The following CCDC171 variants were observed in gnomAD, a reference collection of about 807,000 sequenced individuals.
CCDC171 encodes the protein coiled-coil domain containing 171.
In CCDC171, 177 loss-of-function variants were observed where a neutral mutation model predicts 168.2. The observed-to-expected ratio is 1.05, with a 90% CI of 0.93 to 1.19. The LOEUF (loss-of-function observed/expected upper bound fraction) is 1.19. Among genes scored for constraint, CCDC171 ranks in the 50% most tolerant of loss-of-function variants. The pLI is 0.00. For synonymous variants in CCDC171, 687 were observed against 540.8 expected (o/e 1.27, Z -3.75); for missense variants, 1,991 against 1,539.0 (o/e 1.29, Z -4.91).
intron 7 of CCDC171, 66 bp downstream of exon 7, chr9:15,623,479 A>ACACACACACACACC: frequency 2.5e-6 from 1 of 399,542 alleles, no homozygotes; most frequent in Non-Finnish European, 4.1e-6. Context: ...GCGCGCGCAC[A>ACACACACACACACC]CACACACACA....
chr9:15,841,401 T>A (rs141301933), intron 21 of CCDC171, among the ~76,000 whole-genome samples: 2 of 152,182 alleles, frequency 1.3e-5, no homozygotes, highest in East Asian at 3.9e-4. Flanking sequence ...TTTACATTTA[T>A]GTAGTCTTTT....
intron 21 of CCDC171, among the ~76,000 whole-genome samples, chr9:15,810,504 G>A (rs1027024925): frequency 6.7e-6 from 1 of 149,548 alleles, no homozygotes; most frequent in Non-Finnish European, 1.5e-5. Flanking sequence ...GGGTGGGGGG[G>A]TGGGGCTCGG....
chr9:16,099,384 C>T, the CCDC171 span, among the ~76,000 whole-genome samples: 1 of 152,204 alleles, frequency 6.6e-6, no homozygotes, highest in Non-Finnish European at 1.5e-5. Flanking sequence ...ATCGCAGTGG[C>T]TCTCAGAAGG....
chr9:15,731,390 G>T (rs1430440774), intron 16 of CCDC171, among the ~76,000 whole-genome samples: 1 of 152,056 alleles, frequency 6.6e-6, no homozygotes, highest in Non-Finnish European at 1.5e-5. Context: ...GGCAACCATT[G>T]TTCTGATGCC....
chr9:15,848,926 A>T lies in CCDC171; in HGVS notation c.3447A>T (p.Ala1149=), dbSNP rs768143475. The change falls in exon 23 of 26, where the codon GCA becomes GCT. Residue 1149 remains alanine, a synonymous_variant. Transcript: ENST00000380701. ...DKECVANHMR[A]VENTLHKVRD... ...AATGTGTTGCTAATCACATGAGAGC[A>T]GTAGAAAATACGCTTCACAAGGTAC... The T allele has an allele frequency of 6.4e-7, 1 of 1,564,690 alleles. No homozygotes were observed. The highest frequency in any genetic ancestry group is 2.3e-5 in the East Asian group (1 of 43,118).
At chr9:15,717,474 G>C (rs1465578640) in intron 11 of CCDC171, among the ~76,000 whole-genome samples, 1 of 152,144 alleles carries the variant, frequency 6.6e-6, no homozygotes, top group Non-Finnish European at 1.5e-5. Context: ...GGACTTAGAG[G>C]GTATGTGACC....
chr9:15,662,711 C>G (rs2048407958), intron 8 of CCDC171, among the ~76,000 whole-genome samples: 1 of 152,048 alleles, frequency 6.6e-6, no homozygotes, highest in African/African-American at 2.4e-5. Flanking sequence ...CACGGTGGCT[C>G]ACACCTGAAA....
chr9:15,957,699 G>A (rs984293259), intron 25 of CCDC171, among the ~76,000 whole-genome samples: 1 of 152,152 alleles, frequency 6.6e-6, no homozygotes, highest in African/African-American at 2.4e-5. Context: ...AAGAGAGTAT[G>A]AAAATTGACA....
chr9:16,074,851 C>T, the CCDC171 span, among the ~76,000 whole-genome samples: 59 of 152,286 alleles, frequency 3.9e-4, 2 homozygotes, highest in Middle Eastern at 6.8e-3. Context: ...GGACCAGATC[C>T]CACTGGGCCT....
intron 3 of CCDC171, among the ~76,000 whole-genome samples, chr9:15,984,957 C>A (rs994611577): frequency 3.3e-5 from 5 of 152,022 alleles, no homozygotes; most frequent in African/African-American, 1.2e-4. Context: ...TGATGTATTT[C>A]TATATTTATA....
intron 21 of CCDC171, among the ~76,000 whole-genome samples, chr9:15,786,268 A>G (rs561487511): frequency 2.0e-5 from 3 of 152,294 alleles, no homozygotes; most frequent in Admixed American, 2.0e-4. Context: ...ACTTAGTAAT[A>G]GATTGTGAGC....
At chr9:15,641,514 G>A (rs545914487) in intron 7 of CCDC171, among the ~76,000 whole-genome samples, 2 of 152,296 alleles carry the variant, frequency 1.3e-5, no homozygotes, top group Admixed American at 1.3e-4. Context: ...GGAAACCATA[G>A]AACCAAATGT....
At chr9:15,794,464 C>T (rs1437649284) in intron 21 of CCDC171, among the ~76,000 whole-genome samples, 2 of 150,468 alleles carry the variant, frequency 1.3e-5, no homozygotes, top group South Asian at 2.1e-4. Context: ...ACTCTGTCCC[C>T]GCCCCCACCC....
At chr9:15,999,932 T>G (rs2132944753) in intron 3 of CCDC171, among the ~76,000 whole-genome samples, 1 of 152,328 alleles carries the variant, frequency 6.6e-6, no homozygotes, top group East Asian at 1.9e-4. Flanking sequence ...GCGCTCTTCC[T>G]TCTGACTCTT....
chr9:15,754,989 A>G (rs1318917854), intron 18 of CCDC171, among the ~76,000 whole-genome samples: 1 of 152,196 alleles, frequency 6.6e-6, no homozygotes, highest in African/African-American at 2.4e-5. Flanking sequence ...TTTTAAAAAG[A>G]TGGTTCTGTT....
At chr9:15,608,568 A>C (rs2043393747) in intron 6 of CCDC171, among the ~76,000 whole-genome samples, 1 of 151,974 alleles carries the variant, frequency 6.6e-6, no homozygotes, top group Non-Finnish European at 1.5e-5. Context: ...TGTTACGTTT[A>C]TTGGCCATTC....
intron 25 of CCDC171, among the ~76,000 whole-genome samples, chr9:15,957,252 A>G (rs1829892401): frequency 6.6e-6 from 1 of 152,126 alleles, no homozygotes; most frequent in African/African-American, 2.4e-5. Context: ...GTGTCAAGTG[A>G]AAGTGAGTTA....
At chr9:16,027,013 T>A (rs1257920318) in intron 6 of CCDC171, among the ~76,000 whole-genome samples, 2 of 152,184 alleles carry the variant, frequency 1.3e-5, no homozygotes, top group Non-Finnish European at 2.9e-5. Context: ...GCCTCGGGCT[T>A]ATGAGCTATC....
chr9:15,738,431 T>G (rs2134488453), intron 16 of CCDC171, among the ~76,000 whole-genome samples: 1 of 152,344 alleles, frequency 6.6e-6, no homozygotes, highest in Non-Finnish European at 1.5e-5. Context: ...ATTCTATATT[T>G]TTAGGTTTTT....
Sources: gnomAD v4.1 joint callset for allele counts (sites outside exome capture counted in the v4.1 genomes callset) on GRCh38, gnomAD v4.1.1 for gene constraint, MANE v1.5 for transcripts, NCBI Gene and HGNC (gene_info 2026-07-23, HGNC 2026-07-21) for gene names.